SPTSSA: variants seen among roughly 807,000 people sequenced by gnomAD.
The protein encoded by SPTSSA is serine palmitoyltransferase small subunit A, also known as small subunit of serine palmitoyltransferase A.
SPTSSA carries 8 observed loss-of-function variants against 9.1 expected under a neutral mutation model. The observed-to-expected ratio is 0.88, with a 90% CI of 0.51 to 1.58. The LOEUF (loss-of-function observed/expected upper bound fraction) is 1.58, where lower values mean the gene tolerates loss of function less well. SPTSSA is among the 40% of genes most tolerant of loss of function. The pLI, the probability that SPTSSA is intolerant of heterozygous loss-of-function variation, is 0.00. For missense variants in SPTSSA, 100 were observed against 93.8 expected, an observed-to-expected ratio of 1.07 and a Z score of -0.27; for synonymous variants, 42 against 37.7, an observed-to-expected ratio of 1.11 and a Z score of -0.41.
chr14:34,461,482 G>C (rs539740363), intron 1 of SPTSSA, among the ~76,000 whole-genome samples: 13 of 152,116 alleles, frequency 8.5e-5, no homozygotes, highest in African/African-American at 2.9e-4. Flanking sequence ...ACCACTTTTC[G>C]GGCCGACTTC....
intron 1 of SPTSSA, among the ~76,000 whole-genome samples, chr14:34,440,883 CAAA>C (rs369501743): frequency 7.5e-6 from 1 of 133,232 alleles, no homozygotes; most frequent in Admixed American, 7.5e-5. Context: ...ATCCATCTCA[CAAA>C]AAAAAAAAAG....
chr14:34,435,353 A>T, intron 1 of SPTSSA, 49 bp from the exon 2 acceptor site: 1 of 1,347,480 alleles, frequency 7.4e-7, no homozygotes. Context: ...TTCAAAACTA[A>T]ATCTCCACAT....
intron 1 of SPTSSA, among the ~76,000 whole-genome samples, chr14:34,436,140 T>A (rs1234294610): frequency 6.6e-6 from 1 of 152,260 alleles, no homozygotes; most frequent in Non-Finnish European, 1.5e-5. Context: ...AGCTTAGGGA[T>A]GACAGCAACT....
Position 34,435,119 on chromosome 14 carries a change from T to G in SPTSSA, c.*82A>C. ...TGGTTATGTTGACATCTAGAAGAGT[T>G]TCTTATCACATCTGATGGTCTCATT... On this transcript the variant is annotated 3_prime_UTR_variant, in exon 2 of 2. Transcript: ENST00000298130. The G allele has an allele frequency of 1.9e-6, 2 of 1,065,770 alleles. No homozygotes were observed. The highest frequency in any genetic ancestry group is 2.8e-6 in the Non-Finnish European group (2 of 720,238). 66.0% of individuals were successfully genotyped at this position (1,065,770 alleles called of 1,614,324 possible). A position where few individuals can be genotyped will look rare whatever the true frequency, so the allele number is the denominator to read the frequency against.
chr14:34,443,171 G>GTGTGTGTGTTTT lies in SPTSSA; in HGVS notation c.113-7868_113-7867insAAAACACACACA, dbSNP rs775781106. ...TGTGTGTGTGTGTGTGTGTGTGTGT[G>GTGTGTGTGTTTT]TTTTGAGATTGAGTTTTCCTCTAGG... On this transcript the variant is annotated intron_variant, in intron 1 of 1. Transcript: ENST00000298130. Among the ~76,000 whole-genome samples, 24 of 62,126 alleles carry GTGTGTGTGTTTT rather than the reference G, an allele frequency of 3.9e-4. 4 individuals carry two copies. In the East Asian group the frequency reaches 5.4e-3, roughly 14 times the overall value. 40.8% of individuals were successfully genotyped at this position (62,126 alleles called of 152,430 possible). A position where few individuals can be genotyped will look rare whatever the true frequency, so the allele number is the denominator to read the frequency against.
At chr14:34,455,549 AT>A (rs1883604730) in intron 1 of SPTSSA, among the ~76,000 whole-genome samples, 2 of 152,190 alleles carry the variant, frequency 1.3e-5, no homozygotes, top group African/African-American at 4.8e-5. Flanking sequence ...GTTTTCAACC[AT>A]AAGGATGTAT....
chr14:34,441,574 A>G (rs900570096), intron 1 of SPTSSA, among the ~76,000 whole-genome samples: 6 of 152,214 alleles, frequency 3.9e-5, no homozygotes, highest in Admixed American at 2.0e-4. Flanking sequence ...TATTTTGGCA[A>G]GCCAGCCAGG....
chr14:34,445,709 T>C (rs1225421808), intron 1 of SPTSSA, among the ~76,000 whole-genome samples: 1 of 152,186 alleles, frequency 6.6e-6, no homozygotes, highest in Non-Finnish European at 1.5e-5. Context: ...ATACACGGGA[T>C]TGCCAAAACG....
rs189677055 is a variant in SPTSSA, at chr14:34,459,016, T to C, written c.112+3080A>G. On this transcript the variant is annotated intron_variant, in intron 1 of 1. Coordinates refer to ENST00000298130, the MANE Select transcript of SPTSSA (RefSeq NM_138288.4). The stretch of plus-strand genomic sequence containing the variant: ...GCCTCCCGGGTTCAAGCGATTCTCC[T>C]GCCTCAGCCTCCCGACTAGTGGGAT... 2.8e-4 allele frequency among the ~76,000 whole-genome samples: 42 copies of C among 151,706 alleles called. 1 individual carries two copies. The highest frequency in any genetic ancestry group is 9.4e-4 in the African/African-American group (39 of 41,356).
In SPTSSA at chr14:34,462,108, G is replaced by C. The variant is rs1360504806; in HGVS notation, c.100C>G (p.Arg34Gly). 6.6e-7 allele frequency: 1 copy of C among 1,509,266 alleles called. No individual in the cohort carries two copies. Among genetic ancestry groups the C allele is most frequent in the Non-Finnish European group, 8.9e-7 (1 of 1,122,734 alleles). The allele number at this position is 1,509,266 out of a possible 1,614,324, so 93.5% of individuals were successfully genotyped here. Residue 34 changes from arginine to glycine, a missense_variant, in exon 1 of 2, where the codon CGG becomes GGG. Arg to Gly is a moderately radical substitution (Grantham distance 125, BLOSUM62 -2). Coordinates refer to ENST00000298130, the MANE Select transcript of SPTSSA (RefSeq NM_138288.4). The part of the protein sequence containing the change: ...TALYMLEPWE[R>G]TVFNSMLVSI... ...CGGGACAGGATACTGAACACCGTCC[G>C]CTCCCAGGGCTCCAGCATGTAGAGC...
intron 1 of SPTSSA, 71 bp downstream of exon 1, chr14:34,462,025 G>A (rs954828330): frequency 1.8e-6 from 2 of 1,119,956 alleles, no homozygotes; most frequent in Admixed American, 4.8e-5. Context: ...CAGGCCCGGG[G>A]CCTGGGGAAA....
Position 34,434,429 on chromosome 14 carries a change from T to G in SPTSSA, c.*772A>C, listed in dbSNP as rs574350325. The G allele has an allele frequency of 6.5e-6, 1 of 152,746 alleles. No homozygotes were observed. Among genetic ancestry groups the G allele is most frequent in the African/African-American group, 2.4e-5 (1 of 41,578 alleles). 9.5% of individuals were successfully genotyped at this position (152,746 alleles called of 1,614,324 possible). A position where few individuals can be genotyped will look rare whatever the true frequency, so the allele number is the denominator to read the frequency against. ...GACCCTCGGAGGAAATGGATTTCTC[T>G]TCTATTAAAAACTCTATGGTATATA... On this transcript the variant is annotated 3_prime_UTR_variant, in exon 2 of 2. Transcript: ENST00000298130.
intron 1 of SPTSSA, among the ~76,000 whole-genome samples, chr14:34,447,771 G>T (rs1883447121): frequency 6.6e-6 from 1 of 152,162 alleles, no homozygotes; most frequent in African/African-American, 2.4e-5. Context: ...AACAGACAAG[G>T]TTTTGTTTTT....
At chr14:34,456,235 T>C (rs924236266) in intron 1 of SPTSSA, among the ~76,000 whole-genome samples, 10 of 151,770 alleles carry the variant, frequency 6.6e-5, no homozygotes, top group African/African-American at 1.9e-4. Context: ...GGCAGAAGTA[T>C]CACTTGAACC....
chr14:34,453,998 A>C (rs1425628142), intron 1 of SPTSSA, among the ~76,000 whole-genome samples: 1 of 152,130 alleles, frequency 6.6e-6, no homozygotes, highest in African/African-American at 2.4e-5. Flanking sequence ...TAGGCAACCT[A>C]GTGAGACCCT....
intron 1 of SPTSSA, among the ~76,000 whole-genome samples, chr14:34,453,665 T>C (rs1196720229): frequency 6.6e-6 from 1 of 152,238 alleles, no homozygotes; most frequent in African/African-American, 2.4e-5. Context: ...AATAATATTT[T>C]CCTATAAACC....
At chr14:34,446,695 T>C (rs767852110) in intron 1 of SPTSSA, among the ~76,000 whole-genome samples, 41 of 152,200 alleles carry the variant, frequency 2.7e-4, no homozygotes, top group Non-Finnish European at 2.9e-4. Context: ...TTTTCCATGG[T>C]TTAAAGTGAA....
At chr14:34,439,693 TATAAGA>T (rs1883290031) in intron 1 of SPTSSA, among the ~76,000 whole-genome samples, 2 of 152,178 alleles carry the variant, frequency 1.3e-5, no homozygotes, top group South Asian at 2.1e-4. Flanking sequence ...TTAATGATAA[TATAAGA>T]ATAAGACTGG....
At chr14:34,436,987 C>A (rs1883251871) in intron 1 of SPTSSA, among the ~76,000 whole-genome samples, 1 of 151,834 alleles carries the variant, frequency 6.6e-6, no homozygotes, top group South Asian at 2.1e-4. Flanking sequence ...GCTTCTATAT[C>A]ATTGGCATAT....
Sources: gnomAD v4.1 joint callset for allele counts (sites outside exome capture counted in the v4.1 genomes callset) on GRCh38, gnomAD v4.1.1 for gene constraint, MANE v1.5 for transcripts, NCBI Gene and HGNC (gene_info 2026-07-23, HGNC 2026-07-21) for gene names.